ZNF197: variants seen among roughly 807,000 people sequenced by gnomAD.
ZNF197 encodes VHL-associated KRAB-A domain-containing protein.
A neutral mutation model predicts 27.4 loss-of-function variants in ZNF197; 14 were observed. The observed-to-expected ratio is 0.51, with a 90% CI of 0.34 to 0.80. The LOEUF (loss-of-function observed/expected upper bound fraction) is 0.80. ZNF197 is among the 30% of genes least tolerant of loss of function. The pLI, the probability that ZNF197 is intolerant of heterozygous loss-of-function variation, is 0.02. For synonymous variants in ZNF197, 415 were observed against 420.0 expected, an observed-to-expected ratio of 0.99 and a Z score of 0.15; for missense variants, 1,090 against 1,222.6, an observed-to-expected ratio of 0.89 and a Z score of 1.62.
At position 44,625,055 on chromosome 3, in the gene ZNF197, T is replaced by G. The variant is rs1701557078; in HGVS notation, c.-170T>G. 6.6e-6 allele frequency: 1 copy of G among 152,230 alleles called. No homozygotes were observed. Among genetic ancestry groups the G allele is most frequent in the African/African-American group, 2.4e-5 (1 of 41,454 alleles). 9.4% of individuals were successfully genotyped at this position (152,230 alleles called of 1,614,324 possible). ...CTCGGCCATTATTCTGTGCCTCGGCTGCCGGAAGGGCTCGTTCCTGTGTCA... is the reference window on the plus strand; with the variant it reads ...CTCGGCCATTATTCTGTGCCTCGGCGGCCGGAAGGGCTCGTTCCTGTGTCA... On this transcript the variant is annotated 5_prime_UTR_variant, in exon 1 of 6. Transcript: ENST00000344387.
Position 44,643,622 on chromosome 3 carries a change from C to T in ZNF197, c.2492C>T (p.Ser831Leu). The change falls in exon 6 of 6, where the codon TCA (serine) becomes TTA (leucine). Residue 831 changes from serine (S) to leucine (L), a missense_variant. By Grantham distance (145) the Ser-to-Leu change is moderately radical (BLOSUM62 -2). Coordinates refer to ENST00000344387, the MANE Select transcript of ZNF197 (RefSeq NM_006991.5). ...NDCGKVFSYR[S>L]NLIAHQRIHT... Reference sequence around the variant, plus strand: ...TGTGGGAAGGTCTTCAGTTACCGCTCAAACCTTATAGCCCATCAGAGGATC... The same window carrying T: ...TGTGGGAAGGTCTTCAGTTACCGCTTAAACCTTATAGCCCATCAGAGGATC... 6.2e-7 allele frequency: 1 copy of T among 1,614,208 alleles called. No individual in the cohort carries two copies. Among genetic ancestry groups the T allele is most frequent in the Non-Finnish European group, 8.5e-7 (1 of 1,180,046 alleles).
chr3:44,643,119 G>A lies in ZNF197; in HGVS notation c.1989G>A (p.Lys663=), dbSNP rs777385559. Reference sequence around the variant, plus strand: ...GTGGGAAAGTTTTTATTCTGAAGAAGAGCCTCATTTTACATCAAAGGTTCC... The same window carrying A: ...GTGGGAAAGTTTTTATTCTGAAGAAAAGCCTCATTTTACATCAAAGGTTCC... ...NECGKVFILK[K]SLILHQRFHT... The change falls in exon 6 of 6, where the codon AAG becomes AAA. Residue 663 remains lysine, a synonymous_variant. Coordinates refer to ENST00000344387, the MANE Select transcript of ZNF197 (RefSeq NM_006991.5). 4.3e-6 allele frequency: 7 copies of A among 1,612,710 alleles called. No homozygotes were observed. In the East Asian group the frequency reaches 1.1e-4, roughly 26 times the overall value.
rs745904696 is a variant in ZNF197, at chr3:44,631,113, C to T, written c.442C>T (p.Pro148Ser). The T allele has an allele frequency of 2.2e-5, 36 of 1,613,960 alleles. 1 individual carries two copies. In the Middle Eastern group the frequency reaches 4.9e-4, roughly 22 times the overall value. ...QDTLQKVVSA[P>S]GTTLPPVLPG... is the part of the protein sequence containing the mutation. ...CACTCTCCAGAAGGTGGTGAGTGCC[C>T]CAGGAACAACACTTCCTCCTGTACT... The change falls in exon 3 of 6, where the codon CCA becomes TCA. Residue 148 changes from proline to serine, a missense_variant. Coordinates refer to ENST00000344387, the MANE Select transcript of ZNF197 (RefSeq NM_006991.5).
Position 44,645,328 on chromosome 3 carries a change from G to A in ZNF197, c.*1108G>A, listed in dbSNP as rs1702893664. ...TTGTGTATTAAGTCAATATTAGAAT[G>A]AGGGGGATTCCAGGAACCTAAAAGA... On this transcript the variant is annotated 3_prime_UTR_variant, in exon 6 of 6. Coordinates refer to ENST00000344387, the MANE Select transcript of ZNF197 (RefSeq NM_006991.5). 2.0e-6 allele frequency: 2 copies of A among 985,236 alleles called. No homozygotes were observed. Among genetic ancestry groups the A allele is most frequent in the African/African-American group, 3.5e-5 (2 of 57,166 alleles). The allele number at this position is 985,236 out of a possible 1,614,324, so 61.0% of individuals were successfully genotyped here.
Position 44,632,096 on chromosome 3 carries a change from C to T in ZNF197, c.551-9C>T. On this transcript the variant is annotated splice_polypyrimidine_tract_variant and intron_variant, in intron 3 of 5. Transcript: ENST00000344387. The stretch of plus-strand genomic sequence containing the variant: ...TAGGTCCCATATGCAGCTTTTTCTC[C>T]CTCCTCAGATTCTCCTGCCCCTGAA... 1 of 1,613,816 alleles carries T rather than the reference C, an allele frequency of 6.2e-7. No individual in the cohort carries two copies. The highest frequency in any genetic ancestry group is 8.5e-7 in the Non-Finnish European group (1 of 1,179,792).
chr3:44,646,419 A>G lies in ZNF197; in HGVS notation c.*2199A>G. ...ATTGAGACAGCCCACATAATGTGCC[A>G]CCTTCTGTGATGTAATAAGCTGAAA... On this transcript the variant is annotated 3_prime_UTR_variant, in exon 6 of 6. Coordinates refer to ENST00000344387, the MANE Select transcript of ZNF197 (RefSeq NM_006991.5). 2 of 1,609,844 alleles carry G rather than the reference A, an allele frequency of 1.2e-6. No individual in the cohort carries two copies. The highest frequency in any genetic ancestry group is 1.7e-6 in the Non-Finnish European group (2 of 1,178,184).
intron 5 of ZNF197, among the ~76,000 whole-genome samples, chr3:44,636,825 A>G (rs568686777): frequency 6.6e-6 from 1 of 152,298 alleles, no homozygotes; most frequent in Admixed American, 6.5e-5. Flanking sequence ...TCCTTCCAGC[A>G]GCGTATAAGG....
At position 44,627,559 on chromosome 3, in the gene ZNF197, A is replaced by G. The variant is rs374231988; in HGVS notation, c.-81-1515A>G. Among the ~76,000 whole-genome samples, 365 of 152,194 alleles carry G rather than the reference A, an allele frequency of 2.4e-3. 2 individuals are homozygous for G. Among genetic ancestry groups the G allele is most frequent in the African/African-American group, 8.5e-3 (351 of 41,536 alleles). On this transcript the variant is annotated intron_variant, in intron 1 of 5. Coordinates refer to ENST00000344387, the MANE Select transcript of ZNF197 (RefSeq NM_006991.5). ...CCAAAAGTACCTTTCATGGCTGGGT[A>G]TGGTGGCTCATGCCTGTAATCTCAG...
chr3:44,646,253 GATA>G lies in ZNF197; in HGVS notation c.*2036_*2038del. The G allele has an allele frequency of 1.0e-6, 1 of 984,278 alleles. No homozygotes were observed. The highest frequency in any genetic ancestry group is 1.2e-6 in the Non-Finnish European group (1 of 828,884). The allele number at this position is 984,278 out of a possible 1,614,324, so 61.0% of individuals were successfully genotyped here. On this transcript the variant is annotated 3_prime_UTR_variant, in exon 6 of 6. Transcript: ENST00000344387. ...TATCTACCTCACAAAGTTCTTATGA[GATA>G]ATGAATATAAAAATGTTTCATCCAG...
chr3:44,639,121 C>T (rs760324249), intron 5 of ZNF197, among the ~76,000 whole-genome samples: 2 of 152,174 alleles, frequency 1.3e-5, no homozygotes, highest in African/African-American at 4.8e-5. Flanking sequence ...TGGTGTATTA[C>T]ATCAATTGGT....
chr3:44,646,095 G>C lies in ZNF197; in HGVS notation c.*1875G>C, dbSNP rs1702941027. Reference sequence around the variant, plus strand: ...TCATTAGAGTGAAAGGTAGCCAAGAGTGAAAACTGGAAGGGGCCTAAGGCT... The same window carrying C: ...TCATTAGAGTGAAAGGTAGCCAAGACTGAAAACTGGAAGGGGCCTAAGGCT... On this transcript the variant is annotated 3_prime_UTR_variant, in exon 6 of 6. Coordinates refer to ENST00000344387, the MANE Select transcript of ZNF197 (RefSeq NM_006991.5). 1.3e-5 allele frequency: 13 copies of C among 985,408 alleles called. No individual in the cohort carries two copies. Among genetic ancestry groups the C allele is most frequent in the Middle Eastern group, 5.2e-4 (1 of 1,914 alleles). The allele number at this position is 985,408 out of a possible 1,614,324, so 61.0% of individuals were successfully genotyped here. A position where few individuals can be genotyped will look rare whatever the true frequency, so the allele number is the denominator to read the frequency against.
Position 44,632,213 on chromosome 3 carries a change from C to T in ZNF197, c.642+17C>T. On this transcript the variant is annotated intron_variant, in intron 4 of 5. Coordinates refer to ENST00000344387, the MANE Select transcript of ZNF197 (RefSeq NM_006991.5). Reference sequence around the variant, plus strand: ...CAGCCCCAGGTAAGGTTTGCATCCTCTTTCCTTCCCATCTGCACAGCGTAA... The same window carrying T: ...CAGCCCCAGGTAAGGTTTGCATCCTTTTTCCTTCCCATCTGCACAGCGTAA... 1 of 1,613,042 alleles carries T rather than the reference C, an allele frequency of 6.2e-7. No homozygotes were observed. The highest frequency in any genetic ancestry group is 8.5e-7 in the Non-Finnish European group (1 of 1,178,982).
rs750834106 is a variant in ZNF197, at chr3:44,642,889, G to A, written c.1759G>A (p.Val587Ile). The change falls in exon 6 of 6, where the codon GTC (valine) becomes ATC (isoleucine). Residue 587 changes from valine (V) to isoleucine (I), a missense_variant. By Grantham distance (29) the Val-to-Ile change is conservative. Coordinates refer to ENST00000344387, the MANE Select transcript of ZNF197 (RefSeq NM_006991.5). ...CAAAAGCCTCCTCTTACATCAGAGA[G>A]TCCACACAGAAAAGAAAACCTTTGG... ...RSKSLLLHQR[V>I]HTEKKTFGCK... 1.2e-6 allele frequency: 2 copies of A among 1,614,120 alleles called. No individual in the cohort carries two copies. Among genetic ancestry groups the A allele is most frequent in the Non-Finnish European group, 1.7e-6 (2 of 1,180,018 alleles).
chr3:44,625,448 A>G (rs1001922829), intron 1 of ZNF197, among the ~76,000 whole-genome samples: 2 of 152,130 alleles, frequency 1.3e-5, no homozygotes, highest in African/African-American at 4.8e-5. Flanking sequence ...CCCCCAGCTC[A>G]GGCCTTTCTG....
chr3:44,640,418 C>T lies in ZNF197; in HGVS notation c.770-1482C>T, dbSNP rs529385802. Among the ~76,000 whole-genome samples, 1 of 152,150 alleles carries T rather than the reference C, an allele frequency of 6.6e-6. No homozygotes were observed. Among genetic ancestry groups the T allele is most frequent in the Non-Finnish European group, 1.5e-5 (1 of 68,042 alleles). ...TTTGAGATGGAGTCTTGCTCTGTCA[C>T]CCAGGCTGGAATGCAGTGGTGTGAT... On this transcript the variant is annotated intron_variant, in intron 5 of 5. Transcript: ENST00000344387. This position sits in a 1 kb window ranked among gnomAD's most constrained non-coding sequence, Gnocchi z 4.0.
At chr3:44,636,977 A>G (rs76945910) in intron 5 of ZNF197, among the ~76,000 whole-genome samples, 2,347 of 152,206 alleles carry the variant, frequency 0.015, 28 homozygotes, top group Middle Eastern at 0.031. Flanking sequence ...GCAACTTTTT[A>G]TGTTCTTATT....
In ZNF197 at chr3:44,629,196, G is replaced by A; in HGVS notation, c.42G>A (p.Glu14=). 1 of 1,613,864 alleles carries A rather than the reference G, an allele frequency of 6.2e-7. No homozygotes were observed. The highest frequency in any genetic ancestry group is 8.5e-7 in the Non-Finnish European group (1 of 1,179,896). ...TAGCCCACAATGCTCTGAGACAAGA[G>A]GGCCTTGTGAAGGGGAAGGATGATA... The part of the protein sequence containing the change: ...ENVAHNALRQ[E]GLVKGKDDTW... Residue 14 remains glutamate (E), a synonymous_variant, in exon 2 of 6, where the codon GAG becomes GAA. Coordinates refer to ENST00000344387, the MANE Select transcript of ZNF197 (RefSeq NM_006991.5).
chr3:44,630,583 T>G (rs867165528), intron 2 of ZNF197, among the ~76,000 whole-genome samples: 6 of 152,306 alleles, frequency 3.9e-5, no homozygotes, highest in Middle Eastern at 3.4e-3. Flanking sequence ...ATTTGAGAGA[T>G]AAGGAAACTG....
intron 5 of ZNF197, among the ~76,000 whole-genome samples, chr3:44,633,195 T>C (rs1702106575): frequency 6.6e-6 from 1 of 152,202 alleles, no homozygotes; most frequent in Non-Finnish European, 1.5e-5. Flanking sequence ...CAATTCTAAA[T>C]TGTTGCTAAT....
Sources: gnomAD v4.1 joint callset for allele counts (sites outside exome capture counted in the v4.1 genomes callset) on GRCh38, gnomAD v4.1.1 for gene constraint, Gnocchi (gnomAD v3.1) non-coding constraint, MANE v1.5 for transcripts, NCBI Gene and HGNC (gene_info 2026-07-23, HGNC 2026-07-21) for gene names.